CXCL6: variants seen among roughly 807,000 people sequenced by gnomAD.
The protein encoded by CXCL6 is C-X-C motif chemokine ligand 6, also known as C-X-C motif chemokine 6.
CXCL6 carries 18 observed loss-of-function variants against 10.5 expected under a neutral mutation model. That is an observed-to-expected ratio of 1.71 (90% confidence interval 1.18 to 2.54). The LOEUF (loss-of-function observed/expected upper bound fraction) is 2.54. Ranked by LOEUF, CXCL6 falls within the 30% of genes most tolerant of loss-of-function variation. The pLI, the probability that CXCL6 is intolerant of heterozygous loss-of-function variation, is 0.00. For missense variants in CXCL6, 171 were observed against 145.7 expected (o/e 1.17, Z -0.90); for synonymous variants, 82 against 68.3 (o/e 1.20, Z -0.99).
chr4:73,837,286 GGTATTT>G lies in CXCL6; in HGVS notation c.326+3_326+8del. 1 of 1,612,510 alleles carries G rather than the reference GGTATTT, an allele frequency of 6.2e-7. No individual in the cohort carries two copies. The highest frequency in any genetic ancestry group is 8.5e-7 in the Non-Finnish European group (1 of 1,178,518). ...AAAGTCATCCAGAAAATTTTGGACA[GGTATTT>G]GTCCCTTTGATCTTTGTGGTGTTTT... On this transcript the variant is annotated splice_donor_variant and splice_donor_5th_base_variant and intron_variant, in intron 3 of 3. Coordinates refer to ENST00000226317, the MANE Select transcript of CXCL6 (RefSeq NM_002993.4). LOFTEE classifies it high-confidence loss of function.
At chr4:73,837,482 C>T in intron 3 of CXCL6, 141 bp from the exon 4 acceptor site, 1 of 935,090 alleles carries the variant, frequency 1.1e-6, no homozygotes, top group African/African-American at 1.7e-5. Context: ...AACAATTACA[C>T]AGAGCTCATT....
Position 73,837,812 on chromosome 4 carries a change from T to C in CXCL6, c.*171T>C. Reference sequence around the variant, plus strand: ...GAAAGCCTACGCTTCTCCCTGAAGTTTACAGCTCAGCTAATGAAGTACTAA... The same window carrying C: ...GAAAGCCTACGCTTCTCCCTGAAGTCTACAGCTCAGCTAATGAAGTACTAA... On this transcript the variant is annotated 3_prime_UTR_variant, in exon 4 of 4. Transcript: ENST00000226317. 1 of 495,440 alleles carries C rather than the reference T, an allele frequency of 2.0e-6. No homozygotes were observed. The highest frequency in any genetic ancestry group is 3.6e-6 in the Non-Finnish European group (1 of 277,706). 30.7% of individuals were successfully genotyped at this position (495,440 alleles called of 1,614,324 possible).
chr4:73,837,377 A>C (rs959697397), intron 3 of CXCL6, 91 bp downstream of exon 3: 1 of 1,268,116 alleles, frequency 7.9e-7, no homozygotes, highest in African/African-American at 1.5e-5. Context: ...TAGGATTTAG[A>C]CTATGCTTAG....
At position 73,836,948 on chromosome 4, in the gene CXCL6, T is replaced by C. The variant is rs1393045207; in HGVS notation, c.110-16T>C. ...CTCCCAGCAACCTGCCCTATAAAAA[T>C]GTCTTTCTTCCCCAGCTGGTCCTGT... On this transcript the variant is annotated splice_polypyrimidine_tract_variant and intron_variant, in intron 1 of 3. Coordinates refer to ENST00000226317, the MANE Select transcript of CXCL6 (RefSeq NM_002993.4). 1.2e-6 allele frequency: 2 copies of C among 1,603,680 alleles called. No homozygotes were observed. The highest frequency in any genetic ancestry group is 1.7e-6 in the Non-Finnish European group (2 of 1,174,540).
At chr4:73,836,910 G>T (rs752121401) in intron 1 of CXCL6, 51 bp downstream of exon 1, 4 of 1,606,050 alleles carry the variant, frequency 2.5e-6, no homozygotes, top group Non-Finnish European at 3.4e-6. Context: ...GGGCCGCTGC[G>T]TTCCAGGGAA....
At position 73,836,698 on chromosome 4, in the gene CXCL6, A is replaced by C; in HGVS notation, c.-53A>C. The stretch of plus-strand genomic sequence containing the variant: ...GAAACCAAAGTGCTCTGTATCCTCC[A>C]GTCTCCGCGCCTCCACCCAGCTCAG... On this transcript the variant is annotated 5_prime_UTR_variant, in exon 1 of 4. Coordinates refer to ENST00000226317, the MANE Select transcript of CXCL6 (RefSeq NM_002993.4). The C allele has an allele frequency of 6.8e-7, 1 of 1,460,170 alleles. No individual in the cohort carries two copies. The highest frequency in any genetic ancestry group is 9.4e-7 in the Non-Finnish European group (1 of 1,060,996). 90.5% of individuals were successfully genotyped at this position (1,460,170 alleles called of 1,614,324 possible).
chr4:73,837,516 T>C (rs1293429861), intron 3 of CXCL6, 107 bp from the exon 4 acceptor site: 4 of 1,149,142 alleles, frequency 3.5e-6, no homozygotes, highest in South Asian at 1.4e-5. Context: ...TTTTGTCTGC[T>C]CTTTGCTTTT....
rs1731140142 is a variant in CXCL6 at position 73,837,876 on chromosome 4, A to C, written c.*235A>C. ...CTATTTACTGTTATTTTACCTGATA[A>C]GTTATTGAACCCTTTGGCAATTGAC... On this transcript the variant is annotated 3_prime_UTR_variant, in exon 4 of 4. Coordinates refer to ENST00000226317, the MANE Select transcript of CXCL6 (RefSeq NM_002993.4). 2.5e-6 allele frequency: 1 copy of C among 393,136 alleles called. No homozygotes were observed. The allele number at this position is 393,136 out of a possible 1,614,324, so 24.4% of individuals were successfully genotyped here.
chr4:73,838,557 A>G lies in CXCL6; in HGVS notation c.*916A>G, dbSNP rs1001982796. 2 of 152,688 alleles carry G rather than the reference A, an allele frequency of 1.3e-5. No homozygotes were observed. The highest frequency in any genetic ancestry group is 2.4e-5 in the African/African-American group (1 of 41,468). 9.5% of individuals were successfully genotyped at this position (152,688 alleles called of 1,614,324 possible). A position where few individuals can be genotyped will look rare whatever the true frequency, so the allele number is the denominator to read the frequency against. ...CAATTTGAATATAAATTCATCATTTAGTCCTCAAAATATATATAGCATTGC... is the reference window on the plus strand; with the variant it reads ...CAATTTGAATATAAATTCATCATTTGGTCCTCAAAATATATATAGCATTGC... On this transcript the variant is annotated 3_prime_UTR_variant, in exon 4 of 4. Transcript: ENST00000226317.
intron 2 of CXCL6, 51 bp from the exon 3 acceptor site, chr4:73,837,152 G>A (rs1344328616): frequency 3.1e-6 from 5 of 1,613,512 alleles, no homozygotes; most frequent in Non-Finnish European, 4.2e-6. Context: ...CTCCAGCCTG[G>A]GTCGTCAACC....
chr4:73,837,220 G>C lies in CXCL6; in HGVS notation c.260G>C (p.Gly87Ala). ...KVEVVASLKNGKQVCLDPEAP... is the reference protein window; with the variant it reads ...KVEVVASLKNAKQVCLDPEAP... ...TACTTCAGAGCCTCCCTGAAGAACG[G>C]GAAGCAAGTTTGTCTGGACCCGGAA... The change falls in exon 3 of 4, where the codon GGG becomes GCG. Residue 87 changes from glycine to alanine, a missense_variant. By Grantham distance (60) the Gly-to-Ala change is moderately conservative. Coordinates refer to ENST00000226317, the MANE Select transcript of CXCL6 (RefSeq NM_002993.4). 1 of 1,614,062 alleles carries C rather than the reference G, an allele frequency of 6.2e-7. No individual in the cohort carries two copies. Among genetic ancestry groups the C allele is most frequent in the Non-Finnish European group, 8.5e-7 (1 of 1,180,028 alleles).
chr4:73,838,037 A>G lies in CXCL6; in HGVS notation c.*396A>G, dbSNP rs576508985. 1 of 159,804 alleles carries G rather than the reference A, an allele frequency of 6.3e-6. No homozygotes were observed. The highest frequency in any genetic ancestry group is 6.4e-5 in the Admixed American group (1 of 15,504). 9.9% of individuals were successfully genotyped at this position (159,804 alleles called of 1,614,324 possible). On this transcript the variant is annotated 3_prime_UTR_variant, in exon 4 of 4. Transcript: ENST00000226317. ...GGATTTCGTATGGAAATAATGTTTT[A>G]TTAGTGTGCTGTTGAGGGAGGTATC...
At chr4:73,836,926 C>G in intron 1 of CXCL6, 38 bp from the exon 2 acceptor site, 1 of 1,604,478 alleles carries the variant, frequency 6.2e-7, no homozygotes, top group Admixed American at 1.7e-5. Context: ...GGGAACTCTC[C>G]CAGCAACCTG....
Position 73,836,939 on chromosome 4 carries a change from C to G in CXCL6, c.110-25C>G, listed in dbSNP as rs1560512747. On this transcript the variant is annotated intron_variant, in intron 1 of 3. Coordinates refer to ENST00000226317, the MANE Select transcript of CXCL6 (RefSeq NM_002993.4). ...CAGGGAACTCTCCCAGCAACCTGCCCTATAAAAATGTCTTTCTTCCCCAGC... is the reference window on the plus strand; with the variant it reads ...CAGGGAACTCTCCCAGCAACCTGCCGTATAAAAATGTCTTTCTTCCCCAGC... 3.1e-6 allele frequency: 5 copies of G among 1,603,522 alleles called. No individual in the cohort carries two copies. The South Asian group carries it at 3.3e-5, about 11-fold the overall frequency.
chr4:73,838,518 A>G lies in CXCL6; in HGVS notation c.*877A>G, dbSNP rs1731153143. On this transcript the variant is annotated 3_prime_UTR_variant, in exon 4 of 4. Transcript: ENST00000226317. The stretch of plus-strand genomic sequence containing the variant: ...AATGATCTGTGCTCTGAAAGTTTTG[A>G]AAATATATTTGAACAATTTGAATAT... The G allele has an allele frequency of 6.6e-6, 1 of 152,634 alleles. No individual in the cohort carries two copies. Among genetic ancestry groups the G allele is most frequent in the Non-Finnish European group, 1.5e-5 (1 of 68,028 alleles). The allele number at this position is 152,634 out of a possible 1,614,324, so 9.5% of individuals were successfully genotyped here.
Position 73,837,282 on chromosome 4 carries a change from G to T in CXCL6, c.322G>T (p.Asp108Tyr), listed in dbSNP as rs1553917616. The T allele has an allele frequency of 9.9e-6, 16 of 1,613,896 alleles. No individual in the cohort carries two copies. The highest frequency in any genetic ancestry group is 2.2e-5 in the South Asian group (2 of 91,074). Reference sequence around the variant, plus strand: ...AAAGAAAGTCATCCAGAAAATTTTGGACAGGTATTTGTCCCTTTGATCTTT... The same window carrying T: ...AAAGAAAGTCATCCAGAAAATTTTGTACAGGTATTTGTCCCTTTGATCTTT... ...FLKKVIQKILDSGNKKN is the reference protein window; with the variant it reads ...FLKKVIQKILYSGNKKN Residue 108 changes from aspartate (D) to tyrosine (Y), a missense_variant, in exon 3 of 4, where the codon GAC (aspartate) becomes TAC (tyrosine). Asp to Tyr is a radical substitution (Grantham distance 160). Transcript: ENST00000226317.
At position 73,836,833 on chromosome 4, in the gene CXCL6, TGACGCC is replaced by T; in HGVS notation, c.85_90del (p.Thr29_Pro30del). ...GCGCTGCTCGCGCTGCTGCTCCTGC[TGACGCC>T]GCCGGGGCCCCTCGCCAGCGGTGAG... On this transcript the variant is annotated inframe_deletion, in exon 1 of 4. Transcript: ENST00000226317. 6.2e-7 allele frequency: 1 copy of T among 1,612,372 alleles called. No homozygotes were observed. Among genetic ancestry groups the T allele is most frequent in the Non-Finnish European group, 8.5e-7 (1 of 1,179,132 alleles).
At chr4:73,837,602 A>C (rs1197207075) in intron 3 of CXCL6, 21 bp from the exon 4 acceptor site, 1 of 1,562,602 alleles carries the variant, frequency 6.4e-7, no homozygotes, top group Non-Finnish European at 8.6e-7. Flanking sequence ...GGTTATACTA[A>C]TATAACTCTT....
At position 73,838,521 on chromosome 4, in the gene CXCL6, A is replaced by C. The variant is rs570094883; in HGVS notation, c.*880A>C. 6.5e-6 allele frequency: 1 copy of C among 152,750 alleles called. No individual in the cohort carries two copies. The highest frequency in any genetic ancestry group is 2.4e-5 in the African/African-American group (1 of 41,570). The allele number at this position is 152,750 out of a possible 1,614,324, so 9.5% of individuals were successfully genotyped here. On this transcript the variant is annotated 3_prime_UTR_variant, in exon 4 of 4. Transcript: ENST00000226317. ...GATCTGTGCTCTGAAAGTTTTGAAA[A>C]TATATTTGAACAATTTGAATATAAA...
Sources: gnomAD v4.1 joint callset for allele counts on GRCh38, gnomAD v4.1.1 for gene constraint, MANE v1.5 for transcripts, NCBI Gene and HGNC (gene_info 2026-07-23, HGNC 2026-07-21) for gene names.